Variants in MED13L observed in about 807,000 individuals in gnomAD.
The protein encoded by MED13L is mediator of RNA polymerase II transcription subunit 13-like.
MED13L carries 7 observed loss-of-function variants against 220.9 expected under a neutral mutation model. The observed-to-expected ratio is 0.03, with a 90% CI of 0.02 to 0.06. MED13L has a LOEUF of 0.06. MED13L is among the 10% of genes least tolerant of loss of function. The probability of loss-of-function intolerance (pLI) is 1.00; values close to 1 mark genes in which losing one functional copy is unlikely to be tolerated. For synonymous variants in MED13L, 1,011 were observed against 1,015.2 expected (o/e 1.00, Z 0.08); for missense variants, 1,965 against 2,760.5 (o/e 0.71, Z 6.46).
intron 3 of MED13L, among the ~76,000 whole-genome samples, chr12:116,111,170 C>T (rs1874045970): frequency 6.6e-6 from 1 of 152,064 alleles, no homozygotes; most frequent in African/African-American, 2.4e-5. Context: ...TACAAATATG[C>T]AAATGATTTA....
intron 2 of MED13L, among the ~76,000 whole-genome samples, chr12:116,229,482 C>A (rs1458271156): frequency 6.6e-6 from 1 of 152,044 alleles, no homozygotes; most frequent in East Asian, 1.9e-4. Flanking sequence ...AGAACATAAG[C>A]CCTTTACATG....
intron 1 of MED13L, among the ~76,000 whole-genome samples, chr12:116,268,979 T>C (rs1873046367): frequency 6.6e-6 from 1 of 152,242 alleles, no homozygotes; most frequent in Non-Finnish European, 1.5e-5. Context: ...CTGGGGTACA[T>C]GTGCAGGTTT....
intron 13 of MED13L, among the ~76,000 whole-genome samples, 159 bp downstream of exon 13, chr12:116,005,710 T>C (rs193175873): frequency 3.9e-5 from 6 of 152,302 alleles, no homozygotes; most frequent in African/African-American, 1.4e-4. Flanking sequence ...TTATACAGCA[T>C]GACTAGATTC....
At position 115,959,655 on chromosome 12, in the gene MED13L, C is replaced by T. The variant is rs1048962131; in HGVS notation, c.*1611G>A. 6.6e-6 allele frequency: 1 copy of T among 152,568 alleles called. No individual in the cohort carries two copies. The highest frequency in any genetic ancestry group is 1.5e-5 in the Non-Finnish European group (1 of 68,026). 9.5% of individuals were successfully genotyped at this position (152,568 alleles called of 1,614,324 possible). A position where few individuals can be genotyped will look rare whatever the true frequency, so the allele number is the denominator to read the frequency against. On this transcript the variant is annotated 3_prime_UTR_variant, in exon 31 of 31. Coordinates refer to ENST00000281928, the MANE Select transcript of MED13L (RefSeq NM_015335.5). ...GATATATCAGATTTTTTATCCTATA[C>T]ATTGCGAAAGTCAACCCCCCCTTCA...
At chr12:116,195,522 C>T (rs1429988523) in intron 2 of MED13L, among the ~76,000 whole-genome samples, 1 of 152,134 alleles carries the variant, frequency 6.6e-6, no homozygotes, top group East Asian at 1.9e-4. Flanking sequence ...ACAATCTCGG[C>T]TCACTGCAAC....
intron 2 of MED13L, among the ~76,000 whole-genome samples, chr12:116,187,035 G>C (rs896440911): frequency 6.6e-6 from 1 of 152,078 alleles, no homozygotes; most frequent in Admixed American, 6.5e-5. Flanking sequence ...CCAATGCTTT[G>C]TACTCAGGCA....
chr12:116,165,995 T>C (rs183122754), intron 2 of MED13L, among the ~76,000 whole-genome samples: 2 of 152,328 alleles, frequency 1.3e-5, no homozygotes, highest in Admixed American at 6.5e-5. Flanking sequence ...CTATAAAATA[T>C]TGTCATTCCT....
At chr12:116,007,295 A>G (rs1426680561) in intron 11 of MED13L, 116 bp downstream of exon 11, 1 of 903,862 alleles carries the variant, frequency 1.1e-6, no homozygotes. Context: ...ATATGGGGAC[A>G]GAGCAATCAG....
chr12:116,119,838 A>AATAT (rs1555213243), intron 2 of MED13L, among the ~76,000 whole-genome samples: 1,367 of 31,494 alleles, frequency 0.043, 83 homozygotes, highest in Middle Eastern at 0.058. Context: ...AAAAAAAAAA[A>AATAT]ATATATATAT....
At chr12:116,205,921 G>A (rs117606285) in intron 2 of MED13L, among the ~76,000 whole-genome samples, 1 of 145,550 alleles carries the variant, frequency 6.9e-6, no homozygotes, top group African/African-American at 2.6e-5. Flanking sequence ...ACTTTACAAT[G>A]CACTGCATAA....
At chr12:116,009,172 G>C (rs752129377) in intron 9 of MED13L, 40 bp from the exon 10 acceptor site, 16 of 1,610,548 alleles carry the variant, frequency 9.9e-6, no homozygotes, top group Non-Finnish European at 9.3e-6. Context: ...ATAACATTAA[G>C]AAAAGAGATT....
At chr12:116,178,771 A>G (rs1439596126) in intron 2 of MED13L, among the ~76,000 whole-genome samples, 3 of 152,204 alleles carry the variant, frequency 2.0e-5, no homozygotes, top group Admixed American at 6.5e-5. Context: ...ATTACAAAAT[A>G]TTTTTGCTGA....
At chr12:116,099,868 G>A (rs1162898467) in intron 3 of MED13L, among the ~76,000 whole-genome samples, 3 of 152,236 alleles carry the variant, frequency 2.0e-5, no homozygotes, top group African/African-American at 4.8e-5. Flanking sequence ...ATATTTCTTC[G>A]TCAGGCAATG....
chr12:116,188,130 T>TAA (rs11351336), intron 2 of MED13L, among the ~76,000 whole-genome samples: 5 of 148,196 alleles, frequency 3.4e-5, no homozygotes, highest in Non-Finnish European at 6.0e-5. Context: ...AACAAATTAT[T>TAA]AAAAAAAAAA....
intron 2 of MED13L, among the ~76,000 whole-genome samples, chr12:116,215,572 C>T (rs1053856459): frequency 6.6e-6 from 1 of 152,174 alleles, no homozygotes; most frequent in African/African-American, 2.4e-5. Context: ...TTCCTTACTT[C>T]TACATCCATA....
chr12:116,157,262 T>C (rs1878510774), intron 2 of MED13L, among the ~76,000 whole-genome samples: 1 of 152,224 alleles, frequency 6.6e-6, no homozygotes, highest in Non-Finnish European at 1.5e-5. Flanking sequence ...AATATACTTA[T>C]ACCCCAAGTA....
chr12:116,256,927 G>A (rs369871109), intron 1 of MED13L, among the ~76,000 whole-genome samples: 1 of 151,840 alleles, frequency 6.6e-6, no homozygotes, highest in South Asian at 2.1e-4. Flanking sequence ...CGCCCACCTC[G>A]GCCTCCCAAA....
intron 5 of MED13L, 144 bp from the exon 6 acceptor site, chr12:116,020,116 T>G: frequency 1.2e-6 from 1 of 808,956 alleles, no homozygotes; most frequent in Non-Finnish European, 1.9e-6. Context: ...AAAGTATGAT[T>G]TAAAAGAAAT....
At chr12:115,978,029 G>A (rs1004918325) in intron 23 of MED13L, among the ~76,000 whole-genome samples, 37 of 151,986 alleles carry the variant, frequency 2.4e-4, no homozygotes, top group African/African-American at 8.9e-4. Flanking sequence ...GGGGAAGACT[G>A]CTTGAGGCCA....
Sources: allele counts gnomAD v4.1 joint callset (sites outside exome capture counted in the v4.1 genomes callset), GRCh38; gene constraint gnomAD v4.1.1; transcripts MANE v1.5; gene names NCBI Gene and HGNC (gene_info 2026-07-23, HGNC 2026-07-21).